The following ADAMTSL1 variants were observed in gnomAD, a reference collection of about 807,000 sequenced individuals.
ADAMTSL1 encodes the protein ADAMTS-like protein 1.
In ADAMTSL1, 126 loss-of-function variants were observed where a neutral mutation model predicts 201.8. The observed-to-expected ratio is 0.62, with a 90% CI of 0.54 to 0.72. The LOEUF is 0.72. ADAMTSL1 is among the 30% of genes least tolerant of loss of function. The probability of loss-of-function intolerance (pLI) is 0.00; values close to 1 mark genes in which losing one functional copy is unlikely to be tolerated. For missense variants in ADAMTSL1, 2,679 were observed against 2,277.8 expected (o/e 1.18, Z -3.59); for synonymous variants, 1,121 against 903.4 (o/e 1.24, Z -4.32).
intron 2 of ADAMTSL1, among the ~76,000 whole-genome samples, chr9:18,401,957 T>C (rs980666296): frequency 3.3e-5 from 5 of 152,202 alleles, no homozygotes; most frequent in African/African-American, 9.6e-5. Context: ...ATATATCATA[T>C]ACATTTCTCA....
At chr9:18,148,232 A>AT (rs1380412696) in intron 1 of ADAMTSL1, among the ~76,000 whole-genome samples, 5 of 151,864 alleles carry the variant, frequency 3.3e-5, no homozygotes, top group African/African-American at 1.2e-4. Context: ...AAAAGCTCAC[A>AT]TTTTTTCATG....
At chr9:18,548,525 A>G (rs1033482448) in intron 3 of ADAMTSL1, among the ~76,000 whole-genome samples, 4 of 152,052 alleles carry the variant, frequency 2.6e-5, no homozygotes, top group Non-Finnish European at 5.9e-5. Flanking sequence ...TGAATCAACA[A>G]TCTCTACAAG....
intron 14 of ADAMTSL1, among the ~76,000 whole-genome samples, chr9:18,715,673 A>G (rs1832881211): frequency 6.6e-6 from 1 of 152,158 alleles, no homozygotes; most frequent in African/African-American, 2.4e-5. Flanking sequence ...AAGGTAATTT[A>G]TAGTTTCAAT....
intron 1 of ADAMTSL1, among the ~76,000 whole-genome samples, chr9:18,098,658 A>T (rs201417034): frequency 6.6e-6 from 1 of 152,216 alleles, no homozygotes; most frequent in African/African-American, 2.4e-5. Context: ...ACATGCTAAC[A>T]ACTTCATTTC....
At chr9:18,735,748 C>CTTTTCTTTTCTTTTTTTTTTTTTTTTTTT (rs762386875) in intron 15 of ADAMTSL1, among the ~76,000 whole-genome samples, 1 of 106,686 alleles carries the variant, frequency 9.4e-6, no homozygotes, top group African/African-American at 3.6e-5. Context: ...ATTCTTTTTT[C>CTTTTCTTTTCTTTTTTTTTTTTTTTTTTT]TTTTTTTTTT....
intron 1 of ADAMTSL1, among the ~76,000 whole-genome samples, chr9:17,981,191 A>G (rs1818677387): frequency 6.6e-6 from 1 of 152,200 alleles, no homozygotes; most frequent in Non-Finnish European, 1.5e-5. Flanking sequence ...AAAACCAGGA[A>G]GAATGCCCTC....
chr9:18,373,380 A>G (rs896673000), intron 2 of ADAMTSL1, among the ~76,000 whole-genome samples: 1 of 152,166 alleles, frequency 6.6e-6, no homozygotes, highest in East Asian at 1.9e-4. Flanking sequence ...TTATAAGCCA[A>G]CCACTCTGCT....
chr9:18,699,281 G>A, intron 13 of ADAMTSL1, among the ~76,000 whole-genome samples: 1 of 148,506 alleles, frequency 6.7e-6, no homozygotes, highest in East Asian at 2.0e-4. Context: ...GAAAATGCCT[G>A]TAAATATAGC....
rs1564145917 is a variant in ADAMTSL1 at position 18,681,700 on chromosome 9, G to GGGGGC, written c.1342-108_1342-107insCGGGG. The GGGGGC allele has an allele frequency of 2.5e-5, 17 of 673,390 alleles. 2 individuals carry two copies. The South Asian group carries it at 4.4e-4, about 17-fold the overall frequency. 41.7% of individuals were successfully genotyped at this position (673,390 alleles called of 1,614,324 possible). A position where few individuals can be genotyped will look rare whatever the true frequency, so the allele number is the denominator to read the frequency against. The stretch of plus-strand genomic sequence containing the variant: ...AAATTTACCAGGAGTCCTCGTGTGG[G>GGGGGC]GGGGGGGGGCGGGGAAAAAGAAAAC... On this transcript the variant is annotated intron_variant, in intron 11 of 28. Transcript: ENST00000380548.
chr9:18,362,323 C>A (rs1466105406), intron 2 of ADAMTSL1: 1 of 152,238 alleles, frequency 6.6e-6, no homozygotes, highest in African/African-American at 2.4e-5. Flanking sequence ...TATTAGGAAT[C>A]TCTAGAAATA....
At chr9:18,590,449 T>C (rs557308628) in intron 4 of ADAMTSL1, among the ~76,000 whole-genome samples, 1 of 151,208 alleles carries the variant, frequency 6.6e-6, no homozygotes. Context: ...ATGTTGTTTA[T>C]CTTTTCAAAA....
intron 2 of ADAMTSL1, among the ~76,000 whole-genome samples, chr9:18,260,528 C>T (rs779052413): frequency 6.6e-6 from 1 of 152,232 alleles, no homozygotes; most frequent in Non-Finnish European, 1.5e-5. Context: ...GGTGCCTGCC[C>T]ATCCTCCCAC....
chr9:18,701,222 T>C lies in ADAMTSL1; in HGVS notation c.1575-5525T>C, dbSNP rs904454846. 3.4e-5 allele frequency among the ~76,000 whole-genome samples: 5 copies of C among 146,242 alleles called. No homozygotes were observed. In the South Asian group the frequency reaches 6.8e-4, roughly 20 times the overall value. On this transcript the variant is annotated intron_variant, in intron 13 of 28. Coordinates refer to ENST00000380548, the MANE Select transcript of ADAMTSL1 (RefSeq NM_001040272.6). ...GTAATCTTTTGGGTTCTTTTTTTTT[T>C]TTTTTTTTTTTTGAGACAGAGTCTC... is the stretch of plus-strand genomic sequence containing the variant.
chr9:18,252,168 G>A (rs1435441293), intron 2 of ADAMTSL1, among the ~76,000 whole-genome samples: 2 of 152,030 alleles, frequency 1.3e-5, no homozygotes, highest in Non-Finnish European at 2.9e-5. Context: ...CAGTACATAG[G>A]AAAAATGAAG....
intron 2 of ADAMTSL1, among the ~76,000 whole-genome samples, chr9:18,450,057 C>A (rs1048693842): frequency 1.3e-5 from 2 of 152,118 alleles, no homozygotes; most frequent in Non-Finnish European, 2.9e-5. Context: ...TTTCTCCATG[C>A]AAATATATGT....
chr9:18,509,926 A>C (rs946814405), intron 2 of ADAMTSL1, among the ~76,000 whole-genome samples: 1 of 152,210 alleles, frequency 6.6e-6, no homozygotes, highest in Non-Finnish European at 1.5e-5. Context: ...TCCACTCCAG[A>C]TCTAGGCATC....
At chr9:18,438,732 G>A (rs948045842) in intron 2 of ADAMTSL1, among the ~76,000 whole-genome samples, 1 of 152,158 alleles carries the variant, frequency 6.6e-6, no homozygotes, top group African/African-American at 2.4e-5. Flanking sequence ...CGCAGCTAGT[G>A]AGGACCCTGC....
At position 18,508,343 on chromosome 9, in the gene ADAMTSL1, C is replaced by T. The variant is rs562389717; in HGVS notation, c.191+3387C>T. On this transcript the variant is annotated intron_variant, in intron 2 of 28. Transcript: ENST00000380548. ...TATGATTTTAGCCCTGTATTTTCTC[C>T]TTTTTTGTGTGTAATGAAAGTGTGG... 3.3e-5 allele frequency among the ~76,000 whole-genome samples: 5 copies of T among 152,116 alleles called. No individual in the cohort carries two copies. In the East Asian group the frequency reaches 9.6e-4, roughly 29 times the overall value.
chr9:18,124,606 C>T (rs1220325450), intron 1 of ADAMTSL1, among the ~76,000 whole-genome samples: 2 of 151,810 alleles, frequency 1.3e-5, no homozygotes, highest in Non-Finnish European at 2.9e-5. Flanking sequence ...ATTGAACATG[C>T]CTGTTATATG....
Sources: allele counts gnomAD v4.1 joint callset (sites outside exome capture counted in the v4.1 genomes callset), GRCh38; gene constraint gnomAD v4.1.1; transcripts MANE v1.5; gene names NCBI Gene and HGNC (gene_info 2026-07-23, HGNC 2026-07-21).